The following EXOSC4 variants were observed in gnomAD, a reference collection of about 807,000 sequenced individuals.
EXOSC4 encodes the protein exosome component 4.
In EXOSC4, 14 loss-of-function variants were observed where a neutral mutation model predicts 20.0. The ratio of observed to expected loss-of-function variants is 0.70; its 90% CI spans 0.46 to 1.09. The LOEUF (loss-of-function observed/expected upper bound fraction) is 1.09, where lower values mean the gene tolerates loss of function less well. Among genes scored for constraint, EXOSC4 ranks in the 50% least tolerant of loss-of-function variants. The pLI is 0.00. For missense variants in EXOSC4, 337 were observed against 334.0 expected (o/e 1.01, Z -0.07); for synonymous variants, 148 against 146.4 (o/e 1.01, Z -0.08).
upstream of EXOSC4, among the ~76,000 whole-genome samples, chr8:144,075,289 C>T (rs1388086559): frequency 4.6e-5 from 7 of 151,192 alleles, no homozygotes; most frequent in African/African-American, 1.2e-4. Flanking sequence ...TGCAGTGGTG[C>T]GATTTCGGCT....
chr8:144,079,785 T>G, intron 1 of EXOSC4, 158 bp from the exon 2 acceptor site: 1 of 796,622 alleles, frequency 1.3e-6, no homozygotes, highest in Non-Finnish European at 2.2e-6. Context: ...GGGCGACACA[T>G]GCAAGACAGA....
the EXOSC4 span, among the ~76,000 whole-genome samples, chr8:144,071,971 T>A: frequency 6.6e-6 from 1 of 152,008 alleles, no homozygotes; most frequent in Non-Finnish European, 1.5e-5. Context: ...CAGAGTGAGA[T>A]GTTGTCTCAG....
chr8:144,068,861 A>G, the EXOSC4 span, among the ~76,000 whole-genome samples: 1 of 151,830 alleles, frequency 6.6e-6, no homozygotes, highest in Non-Finnish European at 1.5e-5. Context: ...GTCCCCCAAC[A>G]CCTGCCACAG....
the EXOSC4 span, among the ~76,000 whole-genome samples, chr8:144,068,215 A>G: frequency 6.6e-6 from 1 of 152,106 alleles, no homozygotes; most frequent in East Asian, 1.9e-4. Context: ...AGCTCATTGA[A>G]TATGTATATT....
rs1284025132 is a variant in EXOSC4 at position 144,078,952 on chromosome 8, G to T, written c.171+53G>T. ...GTGTGGCCGTGGGAGCTGCGGGGCA[G>T]CCGGGCTGAGCGCTGGCTCGGGGAC... On this transcript the variant is annotated intron_variant, in intron 1 of 2. Transcript: ENST00000316052. The surrounding 1 kb of genome is among the most constrained non-coding windows in gnomAD (Gnocchi z 4.7). The T allele has an allele frequency of 2.1e-6, 3 of 1,399,830 alleles. No homozygotes were observed. The highest frequency in any genetic ancestry group is 2.8e-6 in the Non-Finnish European group (3 of 1,076,034). 86.7% of individuals were successfully genotyped at this position (1,399,830 alleles called of 1,614,324 possible).
chr8:144,074,918 C>T (rs190028919), upstream of EXOSC4, among the ~76,000 whole-genome samples: 5 of 152,180 alleles, frequency 3.3e-5, no homozygotes, highest in East Asian at 1.9e-4. Flanking sequence ...ATTTGATAAG[C>T]GGTTTCCTCC....
Position 144,080,379 on chromosome 8 carries a change from C to T in EXOSC4, c.516C>T (p.Asp172=). 1 of 1,612,416 alleles carries T rather than the reference C, an allele frequency of 6.2e-7. No homozygotes were observed. Among genetic ancestry groups the T allele is most frequent in the Non-Finnish European group, 8.5e-7 (1 of 1,180,014 alleles). Reference sequence around the variant, plus strand: ...TCGTGGACGGCACAGCCCTGGCGGACCTCAGCCATGTGGAGGAAGCAGCTG... The same window carrying T: ...TCGTGGACGGCACAGCCCTGGCGGATCTCAGCCATGTGGAGGAAGCAGCTG... ...AGFVDGTALA[D]LSHVEEAAGG... Residue 172 remains aspartate, a synonymous_variant, in exon 3 of 3, where the codon GAC becomes GAT. Transcript: ENST00000316052. This position sits in a 1 kb window ranked among gnomAD's most constrained non-coding sequence, Gnocchi z 4.9.
At chr8:144,079,050 G>C (rs1327229610) in intron 1 of EXOSC4, 151 bp downstream of exon 1, 6 of 919,676 alleles carry the variant, frequency 6.5e-6, no homozygotes, top group South Asian at 2.5e-5. Context: ...CGGAGTAAAC[G>C]CAAGTCCTTA....
At chr8:144,074,340 C>T (rs1835817707), upstream of EXOSC4, among the ~76,000 whole-genome samples, 1 of 152,034 alleles carries the variant, frequency 6.6e-6, no homozygotes, top group African/African-American at 2.4e-5. Flanking sequence ...GTTGAAGCTA[C>T]GTTTTGCTTG....
the EXOSC4 span, among the ~76,000 whole-genome samples, chr8:144,069,870 A>G: frequency 7.2e-5 from 11 of 152,244 alleles, no homozygotes; most frequent in African/African-American, 2.4e-4. Context: ...CCAAACTGTC[A>G]CAAGATTGAG....
the EXOSC4 span, among the ~76,000 whole-genome samples, chr8:144,067,263 C>CAGCCGAGAGCACGCTAGGACAG: frequency 6.6e-6 from 1 of 152,144 alleles, no homozygotes; most frequent in African/African-American, 2.4e-5. Flanking sequence ...GACTTTACTC[C>CAGCCGAGAGCACGCTAGGACAG]CATGATTAGG....
At chr8:144,070,080 G>A in the EXOSC4 span, among the ~76,000 whole-genome samples, 2 of 152,222 alleles carry the variant, frequency 1.3e-5, no homozygotes, top group South Asian at 2.1e-4. Context: ...GCTCAGGGCC[G>A]GGCCAGTTTC....
chr8:144,077,312 G>C (rs1386940308), upstream of EXOSC4, among the ~76,000 whole-genome samples: 1 of 152,164 alleles, frequency 6.6e-6, no homozygotes, highest in Non-Finnish European at 1.5e-5. Context: ...GACAGTAAGA[G>C]CTCAGACTGA....
the EXOSC4 span, among the ~76,000 whole-genome samples, chr8:144,072,024 A>G: frequency 2.0e-5 from 3 of 152,148 alleles, no homozygotes; most frequent in African/African-American, 7.2e-5. Context: ...TTTATGGGGT[A>G]TATGTGATAC....
upstream of EXOSC4, among the ~76,000 whole-genome samples, chr8:144,075,211 C>T (rs1354627133): frequency 6.6e-6 from 1 of 151,772 alleles, no homozygotes; most frequent in African/African-American, 2.4e-5. Context: ...CACAGGTATG[C>T]ACCACCATGT....
chr8:144,068,540 C>T, the EXOSC4 span, among the ~76,000 whole-genome samples: 23 of 152,044 alleles, frequency 1.5e-4, no homozygotes, highest in African/African-American at 2.7e-4. Flanking sequence ...CTGTGTTCTC[C>T]GGGCCTCCAC....
the EXOSC4 span, among the ~76,000 whole-genome samples, chr8:144,067,782 T>C: frequency 1.3e-5 from 2 of 152,176 alleles, no homozygotes; most frequent in Non-Finnish European, 2.9e-5. Context: ...CTGAGGCGGA[T>C]GGATCACCTG....
At chr8:144,075,462 G>C (rs555728215), upstream of EXOSC4, among the ~76,000 whole-genome samples, 506 of 152,244 alleles carry the variant, frequency 3.3e-3, 3 homozygotes, top group African/African-American at 0.012. Flanking sequence ...TCCTGACCTC[G>C]TGATCTGCCC....
In EXOSC4 at chr8:144,078,673, T is replaced by C. The variant is rs1388502958; in HGVS notation, c.-56T>C. ...GGGCGGTCGGAGCCGCCGGGAGCTGTAGTTCTCCCGCGGCTCAGAGAAGTA... is the reference window on the plus strand; with the variant it reads ...GGGCGGTCGGAGCCGCCGGGAGCTGCAGTTCTCCCGCGGCTCAGAGAAGTA... On this transcript the variant is annotated 5_prime_UTR_variant, in exon 1 of 3. Coordinates refer to ENST00000316052, the MANE Select transcript of EXOSC4 (RefSeq NM_019037.3). This position sits in a 1 kb window ranked among gnomAD's most constrained non-coding sequence, Gnocchi z 4.7. 1.6e-5 allele frequency: 22 copies of C among 1,347,862 alleles called. No homozygotes were observed. Among genetic ancestry groups the C allele is most frequent in the Non-Finnish European group, 2.0e-5 (21 of 1,043,544 alleles). The allele number at this position is 1,347,862 out of a possible 1,614,324, so 83.5% of individuals were successfully genotyped here.
Sources: allele counts gnomAD v4.1 joint callset (sites outside exome capture counted in the v4.1 genomes callset), GRCh38; gene constraint gnomAD v4.1.1; non-coding constraint Gnocchi (gnomAD v3.1); transcripts MANE v1.5; gene names NCBI Gene and HGNC (gene_info 2026-07-23, HGNC 2026-07-21).